FNIP2: variants seen among roughly 807,000 people sequenced by gnomAD.
FNIP2 encodes folliculin-interacting protein 2.
Under a neutral mutation model 108.7 loss-of-function variants are expected in FNIP2, and 32 were observed. The ratio of observed to expected loss-of-function variants is 0.29; its 90% CI spans 0.22 to 0.40. The LOEUF is 0.40. FNIP2 is among the 10% of genes least tolerant of loss of function. FNIP2 has a pLI of 1.00. For synonymous variants in FNIP2, 480 were observed against 496.7 expected (o/e 0.97, Z 0.45); for missense variants, 1,202 against 1,381.6 (o/e 0.87, Z 2.06).
intron 1 of FNIP2, among the ~76,000 whole-genome samples, chr4:158,791,888 G>A (rs72695436): frequency 0.014 from 2,162 of 152,246 alleles, 16 homozygotes; most frequent in Non-Finnish European, 0.022. Context: ...AGGGGCAGCT[G>A]ATAGCAGGAA....
chr4:158,774,631 G>C (rs1415742867), intron 1 of FNIP2, among the ~76,000 whole-genome samples: 1 of 152,188 alleles, frequency 6.6e-6, no homozygotes, highest in Non-Finnish European at 1.5e-5. Context: ...TTAATTGGCA[G>C]TGTCAATAAT....
chr4:158,855,446 G>T, intron 8 of FNIP2, among the ~76,000 whole-genome samples: 1 of 151,956 alleles, frequency 6.6e-6, no homozygotes, highest in East Asian at 1.9e-4. Flanking sequence ...TACTGTGCCC[G>T]TGAAGATCCC....
chr4:158,796,615 A>C (rs1447731877), intron 1 of FNIP2, among the ~76,000 whole-genome samples: 1 of 152,224 alleles, frequency 6.6e-6, no homozygotes, highest in Non-Finnish European at 1.5e-5. Context: ...GCAATCATCT[A>C]TGAGTTTAGC....
chr4:158,849,437 A>G (rs1038571483), intron 7 of FNIP2, among the ~76,000 whole-genome samples: 2 of 152,124 alleles, frequency 1.3e-5, no homozygotes, highest in African/African-American at 4.8e-5. Flanking sequence ...ATACTGTGAC[A>G]GGAGAAAAGT....
intron 1 of FNIP2, among the ~76,000 whole-genome samples, chr4:158,819,295 A>G (rs77145655): frequency 0.021 from 3,211 of 152,346 alleles, 118 homozygotes; most frequent in African/African-American, 0.073. Context: ...AAGGATTTAC[A>G]TATCACCTAC....
At chr4:158,903,648 C>T (rs1170700651) in intron 16 of FNIP2, among the ~76,000 whole-genome samples, 1 of 152,158 alleles carries the variant, frequency 6.6e-6, no homozygotes, top group Non-Finnish European at 1.5e-5. Flanking sequence ...ACTAAAAGTA[C>T]TAGAGAACTT....
At chr4:158,878,706 T>C (rs1781415920) in intron 14 of FNIP2, among the ~76,000 whole-genome samples, 1 of 151,740 alleles carries the variant, frequency 6.6e-6, no homozygotes, top group Admixed American at 6.6e-5. Context: ...TCATCATGAG[T>C]GGAGGGCAAG....
At chr4:158,838,229 C>CTTTTT (rs550985480) in intron 7 of FNIP2, among the ~76,000 whole-genome samples, 15 of 117,606 alleles carry the variant, frequency 1.3e-4, no homozygotes, top group Non-Finnish European at 2.0e-4. Flanking sequence ...TTTAGGCCTG[C>CTTTTT]TTTTTTTTTT....
intron 1 of FNIP2, among the ~76,000 whole-genome samples, chr4:158,817,007 T>C (rs535511606): frequency 6.6e-6 from 1 of 152,258 alleles, no homozygotes; most frequent in Non-Finnish European, 1.5e-5. Context: ...TTTTTTGTTT[T>C]GTTTTTGTAG....
At chr4:158,770,840 G>C (rs1218835681) in intron 1 of FNIP2, among the ~76,000 whole-genome samples, 1 of 152,164 alleles carries the variant, frequency 6.6e-6, no homozygotes, top group African/African-American at 2.4e-5. Context: ...TCTGTACTTT[G>C]ACAGCTCTTG....
intron 1 of FNIP2, among the ~76,000 whole-genome samples, chr4:158,800,975 T>C (rs550561263): frequency 7.2e-5 from 11 of 152,340 alleles, no homozygotes; most frequent in Admixed American, 5.9e-4. Context: ...AATTAGGAAC[T>C]GCACATCTTC....
intron 14 of FNIP2, among the ~76,000 whole-genome samples, chr4:158,882,813 G>C (rs1390666465): frequency 6.6e-6 from 1 of 152,112 alleles, no homozygotes; most frequent in African/African-American, 2.4e-5. Context: ...CTCCTTAAGA[G>C]TCATCACCAC....
intron 1 of FNIP2, among the ~76,000 whole-genome samples, chr4:158,820,424 A>G (rs916205313): frequency 2.0e-5 from 3 of 152,188 alleles, no homozygotes; most frequent in Non-Finnish European, 4.4e-5. Context: ...TCTTTTGCTT[A>G]TTGGCCATTA....
At chr4:158,770,503 A>G (rs968832114) in intron 1 of FNIP2, among the ~76,000 whole-genome samples, 6 of 152,164 alleles carry the variant, frequency 3.9e-5, no homozygotes, top group African/African-American at 7.2e-5. Flanking sequence ...GCTTTTCTTG[A>G]ATTCCATCAT....
At chr4:158,824,376 A>C (rs1778041577) in intron 1 of FNIP2, among the ~76,000 whole-genome samples, 2 of 152,082 alleles carry the variant, frequency 1.3e-5, no homozygotes. Context: ...TGCTTTTGTT[A>C]GTCTGTCTGT....
intron 1 of FNIP2, among the ~76,000 whole-genome samples, chr4:158,775,037 G>A (rs1479306207): frequency 2.0e-5 from 3 of 152,114 alleles, no homozygotes; most frequent in African/African-American, 7.2e-5. Context: ...TGTGTTTCTC[G>A]TGGTTTGCCT....
At chr4:158,815,469 G>A (rs1317911227) in intron 1 of FNIP2, among the ~76,000 whole-genome samples, 2 of 148,046 alleles carry the variant, frequency 1.4e-5, no homozygotes, top group Non-Finnish European at 3.0e-5. Context: ...TGCAAGCTCC[G>A]CCTCTCGGGT....
intron 2 of FNIP2, 144 bp from the exon 3 acceptor site, chr4:158,828,935 C>T (rs1175861800): frequency 9.4e-6 from 6 of 640,468 alleles, no homozygotes; most frequent in South Asian, 2.5e-5. Flanking sequence ...ATGTTTTTGT[C>T]ATTATTGGGG....
At chr4:158,871,685 C>A (rs534585609) in intron 14 of FNIP2, 1 of 985,344 alleles carries the variant, frequency 1.0e-6, no homozygotes, top group South Asian at 4.7e-5. Context: ...TGGTCACATG[C>A]CACCCCTCAC....
Sources: gnomAD v4.1 joint callset for allele counts (sites outside exome capture counted in the v4.1 genomes callset) on GRCh38, gnomAD v4.1.1 for gene constraint, MANE v1.5 for transcripts, NCBI Gene and HGNC (gene_info 2026-07-23, HGNC 2026-07-21) for gene names.